The following NRDC variants were observed in gnomAD, a reference collection of about 807,000 sequenced individuals.
The protein encoded by NRDC is nardilysin.
In NRDC, 54 loss-of-function variants were observed where a neutral mutation model predicts 147.1. The observed-to-expected ratio is 0.37, with a 90% CI of 0.29 to 0.46. The LOEUF is 0.46. Among genes scored for constraint, NRDC ranks in the 20% least tolerant of loss-of-function variants. The probability of loss-of-function intolerance (pLI) is 1.00; values close to 1 mark genes in which losing one functional copy is unlikely to be tolerated. For missense variants in NRDC, 1,082 were observed against 1,370.6 expected (o/e 0.79, Z 3.33); for synonymous variants, 440 against 482.1 (o/e 0.91, Z 1.14).
At chr1:51,877,015 C>T (rs1302720879) in intron 1 of NRDC, among the ~76,000 whole-genome samples, 4 of 152,022 alleles carry the variant, frequency 2.6e-5, no homozygotes, top group South Asian at 4.1e-4. Context: ...GGTGAAACCC[C>T]GTCTCCACTA....
chr1:51,836,116 T>C lies in NRDC; in HGVS notation c.712+15A>G, dbSNP rs1203768021. ...GAAAAAAACACACCAGGAATGATAT[T>C]TTACAAATTCTTACTGTGCTCCAAA... On this transcript the variant is annotated intron_variant, in intron 3 of 30. Transcript: ENST00000352171. 1 of 1,609,942 alleles carries C rather than the reference T, an allele frequency of 6.2e-7. No individual in the cohort carries two copies.
intron 1 of NRDC, among the ~76,000 whole-genome samples, chr1:51,876,900 G>A (rs1300562360): frequency 2.0e-5 from 3 of 152,176 alleles, no homozygotes. Flanking sequence ...GTAAAAAATC[G>A]GCAAACGGGC....
chr1:51,876,496 G>C (rs1230836063), intron 1 of NRDC, among the ~76,000 whole-genome samples: 1 of 152,154 alleles, frequency 6.6e-6, no homozygotes, highest in Admixed American at 6.5e-5. Flanking sequence ...TTGTGTACAT[G>C]AACCAACCAT....
chr1:51,806,389 T>G (rs939963102), intron 18 of NRDC, among the ~76,000 whole-genome samples: 7 of 151,642 alleles, frequency 4.6e-5, no homozygotes, highest in African/African-American at 4.9e-5. Flanking sequence ...TCTGCTTTCA[T>G]TTAACTGAAA....
chr1:51,851,360 C>T (rs1159268167), intron 1 of NRDC, among the ~76,000 whole-genome samples: 1 of 151,872 alleles, frequency 6.6e-6, no homozygotes, highest in Admixed American at 6.6e-5. Flanking sequence ...GATTTACTTG[C>T]TTGAAAATCT....
chr1:51,824,270 C>T (rs1457304566), intron 6 of NRDC, among the ~76,000 whole-genome samples: 1 of 152,026 alleles, frequency 6.6e-6, no homozygotes, highest in Admixed American at 6.6e-5. Flanking sequence ...GGACTACAGG[C>T]ATGAGCCACC....
Position 51,796,875 on chromosome 1 carries a change from C to T in NRDC, c.2604+1374G>A, listed in dbSNP as rs550173140. Among the ~76,000 whole-genome samples the T allele has an allele frequency of 6.3e-3, 942 of 149,646 alleles. 10 individuals carry two copies. The highest frequency in any genetic ancestry group is 0.01 in the Middle Eastern group (3 of 294). ...TGCTGGGATTACAGGCGTGAGCCAC[C>T]GCGCCTGGCCAATCTCAACCATTTT... is the stretch of plus-strand genomic sequence containing the variant. On this transcript the variant is annotated intron_variant, in intron 22 of 30. Coordinates refer to ENST00000352171, the MANE Select transcript of NRDC (RefSeq NM_001101662.2).
chr1:51,873,280 C>T (rs1298717513), intron 1 of NRDC, among the ~76,000 whole-genome samples: 3 of 152,124 alleles, frequency 2.0e-5, no homozygotes, highest in African/African-American at 7.2e-5. Flanking sequence ...AAGGCTTCTG[C>T]TCAGAAGTGA....
intron 1 of NRDC, among the ~76,000 whole-genome samples, chr1:51,861,264 A>ATT (rs1682520579): frequency 2.6e-4 from 16 of 62,134 alleles, no homozygotes; most frequent in African/African-American, 8.3e-4. Flanking sequence ...AAGTGGTATT[A>ATT]CTTTTTTTTT....
At chr1:51,870,320 TCAACA>T (rs1357617112) in intron 1 of NRDC, among the ~76,000 whole-genome samples, 2 of 152,214 alleles carry the variant, frequency 1.3e-5, no homozygotes, top group East Asian at 3.8e-4. Context: ...ACCATTTGTG[TCAACA>T]CAACTGACAC....
At chr1:51,789,789 C>G in intron 29 of NRDC, 132 bp from the exon 30 acceptor site, 1 of 656,144 alleles carries the variant, frequency 1.5e-6, no homozygotes, top group East Asian at 2.7e-5. Context: ...TCTCAGGTTA[C>G]CCCTAACCTT....
Position 51,803,891 on chromosome 1 carries a change from C to T in NRDC, c.2236G>A (p.Ala746Thr), listed in dbSNP as rs753589127. 6 of 1,613,028 alleles carry T rather than the reference C, an allele frequency of 3.7e-6. No individual in the cohort carries two copies. The highest frequency in any genetic ancestry group is 4.2e-6 in the Non-Finnish European group (5 of 1,179,302). The change falls in exon 20 of 31, where the codon GCA becomes ACA. Residue 746 changes from alanine (A) to threonine (T), a missense_variant. Coordinates refer to ENST00000352171, the MANE Select transcript of NRDC (RefSeq NM_001101662.2). ...GCTACCAGTTTATACTCCAGCTGTGCCACATCTGCTTCATAAGCTGGTTCC... is the reference window on the plus strand; with the variant it reads ...GCTACCAGTTTATACTCCAGCTGTGTCACATCTGCTTCATAAGCTGGTTCC... ...LAEPAYEADV[A>T]QLEYKLVAGE... is the part of the protein sequence containing the mutation.
rs1009268331 is a variant in NRDC at position 51,878,209 on chromosome 1, T to C, written c.341+66A>G. 2.0e-6 allele frequency: 3 copies of C among 1,516,112 alleles called. No homozygotes were observed. The African/African-American group carries it at 4.2e-5, about 21-fold the overall frequency. 93.9% of individuals were successfully genotyped at this position (1,516,112 alleles called of 1,614,324 possible). On this transcript the variant is annotated intron_variant, in intron 1 of 30. Coordinates refer to ENST00000352171, the MANE Select transcript of NRDC (RefSeq NM_001101662.2). ...CATTGGGAGACATGGAGACAAGAAG[T>C]GACGGCGGCACCGACAGAGAAGCCG...
At chr1:51,852,404 A>G (rs1307248136) in intron 1 of NRDC, among the ~76,000 whole-genome samples, 2 of 147,010 alleles carry the variant, frequency 1.4e-5, no homozygotes, top group Admixed American at 1.4e-4. Context: ...TCTAATTAAA[A>G]CTAATATTTA....
intron 1 of NRDC, among the ~76,000 whole-genome samples, chr1:51,852,469 CTATA>C (rs2124003446): frequency 2.0e-4 from 1 of 5,092 alleles, no homozygotes; most frequent in African/African-American, 7.7e-4. Context: ...ATAACTATAA[CTATA>C]TATACATTAT....
intron 8 of NRDC, among the ~76,000 whole-genome samples, chr1:51,821,007 C>T (rs1680185292): frequency 6.6e-6 from 1 of 152,018 alleles, no homozygotes; most frequent in Non-Finnish European, 1.5e-5. Context: ...TATAAAAGAA[C>T]ATCTGGTTTG....
chr1:51,802,917 A>G (rs1679277152), intron 20 of NRDC, among the ~76,000 whole-genome samples: 1 of 152,174 alleles, frequency 6.6e-6, no homozygotes. Context: ...ATATTGCTTT[A>G]CCTGGTATTC....
intron 1 of NRDC, among the ~76,000 whole-genome samples, chr1:51,874,976 T>C (rs796107316): frequency 4.7e-4 from 72 of 152,318 alleles, no homozygotes; most frequent in African/African-American, 1.7e-3. Context: ...ATATATAATA[T>C]GATGCTATGT....
chr1:51,866,959 T>A (rs973902616), intron 1 of NRDC, among the ~76,000 whole-genome samples: 1 of 152,158 alleles, frequency 6.6e-6, no homozygotes, highest in African/African-American at 2.4e-5. Context: ...TATATATGTA[T>A]GTTTTATATA....
Sources: gnomAD v4.1 joint callset for allele counts (sites outside exome capture counted in the v4.1 genomes callset) on GRCh38, gnomAD v4.1.1 for gene constraint, MANE v1.5 for transcripts, NCBI Gene and HGNC (gene_info 2026-07-23, HGNC 2026-07-21) for gene names.